Variants in ARPP19 observed in about 807,000 individuals in gnomAD.
The protein encoded by ARPP19 is cAMP-regulated phosphoprotein 19.
ARPP19 carries 8 observed loss-of-function variants against 12.0 expected under a neutral mutation model. The ratio of observed to expected loss-of-function variants is 0.67; its 90% confidence interval spans 0.39 to 1.21. The LOEUF is 1.21. ARPP19 is among the 50% of genes most tolerant of loss of function. The pLI is 0.01. For missense variants in ARPP19, 102 were observed against 136.3 expected (o/e 0.75, Z 1.25); for synonymous variants, 47 against 50.4 (o/e 0.93, Z 0.29).
chr15:52,566,205 CAGG>C (rs1383319497), intron 1 of ARPP19, among the ~76,000 whole-genome samples: 1 of 152,152 alleles, frequency 6.6e-6, no homozygotes, highest in Non-Finnish European at 1.5e-5. Context: ...GTTGCCCAGG[CAGG>C]AGTACAGTGG....
chr15:52,554,712 C>T (rs1207947201), intron 2 of ARPP19, among the ~76,000 whole-genome samples: 3 of 151,978 alleles, frequency 2.0e-5, no homozygotes, highest in Non-Finnish European at 4.4e-5. Flanking sequence ...TCTCTGTTTT[C>T]TAGGGACTTC....
chr15:52,569,329 C>T (rs2078120026), upstream of ARPP19: 1 of 226,612 alleles, frequency 4.4e-6, no homozygotes, highest in Non-Finnish European at 8.7e-6. Context: ...TACCCATCCT[C>T]GCCTAGTTCT....
At chr15:52,556,286 G>A (rs2049517) in intron 2 of ARPP19, among the ~76,000 whole-genome samples, 15,824 of 152,006 alleles carry the variant, frequency 0.1, 894 homozygotes, top group Middle Eastern at 0.17. Context: ...TCCGTAAGTA[G>A]TATTTCATCC....
At chr15:52,555,074 A>G (rs531678978) in intron 2 of ARPP19, among the ~76,000 whole-genome samples, 3 of 152,188 alleles carry the variant, frequency 2.0e-5, no homozygotes, top group Admixed American at 2.0e-4. Flanking sequence ...AAAACTTCAT[A>G]TAAAATAACT....
rs2077925109 is a variant in ARPP19 at position 52,551,007 on chromosome 15, C to T, written c.*927G>A. 1 of 152,656 alleles carries T rather than the reference C, an allele frequency of 6.6e-6. No homozygotes were observed. The highest frequency in any genetic ancestry group is 1.5e-5 in the Non-Finnish European group (1 of 68,048). The allele number at this position is 152,656 out of a possible 1,614,324, so 9.5% of individuals were successfully genotyped here. ...ATGGATATTAGTAACAAATGAAAAGCTTAAGTCTATGGCAGATTGAACTAA... is the reference window on the plus strand; with the variant it reads ...ATGGATATTAGTAACAAATGAAAAGTTTAAGTCTATGGCAGATTGAACTAA... On this transcript the variant is annotated 3_prime_UTR_variant, in exon 3 of 3. Transcript: ENST00000249822.
At chr15:52,562,384 A>G (rs2078041834) in intron 1 of ARPP19, among the ~76,000 whole-genome samples, 1 of 152,184 alleles carries the variant, frequency 6.6e-6, no homozygotes, top group Admixed American at 6.5e-5. Flanking sequence ...AATCTCTAAT[A>G]TTTAGAAATT....
intron 1 of ARPP19, among the ~76,000 whole-genome samples, chr15:52,564,977 A>G (rs926652704): frequency 6.6e-6 from 1 of 152,166 alleles, no homozygotes. Flanking sequence ...CTGTGAGAGA[A>G]CAGATATATA....
In ARPP19 at chr15:52,550,970, C is replaced by T. The variant is rs1260569458; in HGVS notation, c.*964G>A. 1 of 152,618 alleles carries T rather than the reference C, an allele frequency of 6.6e-6. No individual in the cohort carries two copies. 9.5% of individuals were successfully genotyped at this position (152,618 alleles called of 1,614,324 possible). On this transcript the variant is annotated 3_prime_UTR_variant, in exon 3 of 3. Transcript: ENST00000249822. ...AGCAACATATCGTATTTGCACAAGGCCACTGAATGTCATGGATATTAGTAA... is the reference window on the plus strand; with the variant it reads ...AGCAACATATCGTATTTGCACAAGGTCACTGAATGTCATGGATATTAGTAA...
rs537700872 is a variant in ARPP19 at position 52,547,192 on chromosome 15, T to G, written c.*4742A>C. On this transcript the variant is annotated 3_prime_UTR_variant, in exon 3 of 3. Coordinates refer to ENST00000249822, the MANE Select transcript of ARPP19 (RefSeq NM_006628.6). The stretch of plus-strand genomic sequence containing the variant: ...GAGATCAACTTCAGAAAAAATACAC[T>G]GAAAAACATACCACTTTAATAAGAC... 14 of 151,016 alleles carry G rather than the reference T, an allele frequency of 9.3e-5. No homozygotes were observed. The highest frequency in any genetic ancestry group is 2.6e-4 in the Admixed American group (4 of 15,182). The allele number at this position is 151,016 out of a possible 1,614,324, so 9.4% of individuals were successfully genotyped here. A position where few individuals can be genotyped will look rare whatever the true frequency, so the allele number is the denominator to read the frequency against.
At chr15:52,552,228 G>C (rs2077939565) in intron 2 of ARPP19, 124 bp from the exon 3 acceptor site, 1 of 631,796 alleles carries the variant, frequency 1.6e-6, no homozygotes, top group African/African-American at 1.8e-5. Context: ...ATATTAATTA[G>C]ATGAAATAGT....
chr15:52,561,934 CTTTTTTTTT>C (rs11340086), intron 1 of ARPP19, among the ~76,000 whole-genome samples: 1 of 126,978 alleles, frequency 7.9e-6, no homozygotes, highest in East Asian at 2.3e-4. Context: ...AGTGCACCTA[CTTTTTTTTT>C]TTTTTTTTTT....
chr15:52,568,278 A>C (rs1339810388), intron 1 of ARPP19: 1 of 152,322 alleles, frequency 6.6e-6, no homozygotes. Context: ...TGCACACTAC[A>C]CCTGACTCAC....
At chr15:52,568,783 G>C in intron 1 of ARPP19, 65 bp downstream of exon 1, 3 of 1,257,344 alleles carry the variant, frequency 2.4e-6, no homozygotes, top group East Asian at 3.0e-5. Context: ...TCCGCCTGGC[G>C]GGAGCAGGCC....
chr15:52,564,376 C>T (rs2078062535), intron 1 of ARPP19: 4 of 668,598 alleles, frequency 6.0e-6, no homozygotes, highest in South Asian at 5.1e-5. Context: ...TGTGCCATTG[C>T]ACCCCAGCCT....
chr15:52,554,309 G>C (rs2077962430), intron 2 of ARPP19, among the ~76,000 whole-genome samples: 1 of 152,080 alleles, frequency 6.6e-6, no homozygotes, highest in Admixed American at 6.6e-5. Flanking sequence ...AGTGTGACTA[G>C]AGATAAAACT....
intron 1 of ARPP19, 96 bp downstream of exon 1, chr15:52,568,752 C>T (rs992940345): frequency 1.0e-4 from 83 of 828,022 alleles, no homozygotes; most frequent in Non-Finnish European, 1.3e-4. Context: ...GCGCCTCGGC[C>T]CCGCATCTCG....
At chr15:52,563,193 T>A (rs576483955) in intron 1 of ARPP19, among the ~76,000 whole-genome samples, 1 of 152,318 alleles carries the variant, frequency 6.6e-6, no homozygotes, top group Admixed American at 6.5e-5. Context: ...GATTCAAATC[T>A]GGTTTTGAAG....
rs1315227143 is a variant in ARPP19 at position 52,549,475 on chromosome 15, A to G, written c.*2459T>C. 1 of 152,664 alleles carries G rather than the reference A, an allele frequency of 6.6e-6. No individual in the cohort carries two copies. 9.5% of individuals were successfully genotyped at this position (152,664 alleles called of 1,614,324 possible). A position where few individuals can be genotyped will look rare whatever the true frequency, so the allele number is the denominator to read the frequency against. On this transcript the variant is annotated 3_prime_UTR_variant, in exon 3 of 3. Transcript: ENST00000249822. ...CTCCTAATGAAAAATCCTGAGATTT[A>G]AGCACTGTGACTTACAGAAGGCAGG...
chr15:52,565,491 A>T (rs983647017), intron 1 of ARPP19, among the ~76,000 whole-genome samples: 1 of 152,198 alleles, frequency 6.6e-6, no homozygotes, highest in Non-Finnish European at 1.5e-5. Flanking sequence ...TATTCTGGGG[A>T]ATCTGAATCA....
Sources: allele counts gnomAD v4.1 joint callset (sites outside exome capture counted in the v4.1 genomes callset), GRCh38; gene constraint gnomAD v4.1.1; transcripts MANE v1.5; gene names NCBI Gene and HGNC (gene_info 2026-07-23, HGNC 2026-07-21).